The following PLEKHM2 variants were observed in gnomAD, a reference collection of about 807,000 sequenced individuals.
PLEKHM2 encodes pleckstrin homology domain-containing family M member 2.
A neutral mutation model predicts 116.3 loss-of-function variants in PLEKHM2; 77 were observed. The ratio of observed to expected loss-of-function variants is 0.66; its 90% CI spans 0.55 to 0.80. The LOEUF (loss-of-function observed/expected upper bound fraction) is 0.80, where lower values mean the gene tolerates loss of function less well. Among genes scored for constraint, PLEKHM2 ranks in the 30% least tolerant of loss-of-function variants. PLEKHM2 has a pLI of 0.00. For missense variants in PLEKHM2, 1,183 were observed against 1,354.9 expected, an observed-to-expected ratio of 0.87 and a Z score of 1.99; for synonymous variants, 562 against 571.0, an observed-to-expected ratio of 0.98 and a Z score of 0.22.
intron 19 of PLEKHM2, among the ~76,000 whole-genome samples, chr1:15,733,321 T>G (rs1353158277): frequency 6.6e-6 from 1 of 152,258 alleles, no homozygotes; most frequent in Non-Finnish European, 1.5e-5. Flanking sequence ...CGAATTGTGG[T>G]GGACCTCCAG....
At position 15,717,960 on chromosome 1, in the gene PLEKHM2, G is replaced by C. The variant is rs770179616; in HGVS notation, c.345G>C (p.Glu115Asp). ...SLESYLRLFQ[E>D]NLGLLHKYYV... ...AGAGCTACCTGCGGTTGTTCCAGGA[G>C]AACCTGGGCCTGCTGCATAAGTACT... The change falls in exon 4 of 20, where the codon GAG becomes GAC. Residue 115 changes from glutamate (E) to aspartate (D), a missense_variant. Physicochemically the swap from Glu to Asp is conservative, Grantham distance 45. Around this residue, in one of 3 missense-constraint regions of PLEKHM2, gnomAD observed 217 missense variants for 277.6 expected, o/e 0.78. Transcript: ENST00000375799. 2 of 1,598,432 alleles carry C rather than the reference G, an allele frequency of 1.3e-6. No homozygotes were observed. The highest frequency in any genetic ancestry group is 2.3e-5 in the East Asian group (1 of 44,218).
intron 7 of PLEKHM2, chr1:15,723,449 T>TA (rs35677279): frequency 0.37 from 51,112 of 139,854 alleles, 9,459 homozygotes; most frequent in East Asian, 0.66. Context: ...ACAGCAGACT[T>TA]AAAAAAAAAA....
intron 8 of PLEKHM2, 146 bp downstream of exon 8, chr1:15,725,691 G>T (rs533568958): frequency 8.0e-6 from 5 of 624,172 alleles, no homozygotes; most frequent in African/African-American, 5.5e-5. Flanking sequence ...CCTCTAGGAG[G>T]TTCTTTGAGC....
intron 1 of PLEKHM2, among the ~76,000 whole-genome samples, chr1:15,689,569 A>G (rs1307588007): frequency 9.9e-5 from 15 of 152,232 alleles, no homozygotes; most frequent in South Asian, 2.1e-4. Flanking sequence ...CACTGTTCGC[A>G]TCAGCAGTGA....
intron 1 of PLEKHM2, among the ~76,000 whole-genome samples, chr1:15,710,351 G>A (rs1641307650): frequency 6.6e-6 from 1 of 151,934 alleles, no homozygotes; most frequent in Non-Finnish European, 1.5e-5. Context: ...TATTTGAAAC[G>A]GAGTCTCACT....
intron 1 of PLEKHM2, among the ~76,000 whole-genome samples, chr1:15,691,391 A>G (rs1161814246): frequency 6.6e-6 from 1 of 152,202 alleles, no homozygotes; most frequent in Non-Finnish European, 1.5e-5. Context: ...TTCTAAGAAA[A>G]TAGTTGTTTT....
chr1:15,729,071 C>A lies in PLEKHM2; in HGVS notation c.1987-31C>A. 1 of 1,584,172 alleles carries A rather than the reference C, an allele frequency of 6.3e-7. No homozygotes were observed. Among genetic ancestry groups the A allele is most frequent in the East Asian group, 2.3e-5 (1 of 43,574 alleles). On this transcript the variant is annotated intron_variant, in intron 12 of 19. Coordinates refer to ENST00000375799, the MANE Select transcript of PLEKHM2 (RefSeq NM_015164.4). This position sits in a 1 kb window ranked among gnomAD's most constrained non-coding sequence, Gnocchi z 4.7. ...TCTCCGCCAGGCAGCAGCTAAGCCC[C>A]AAGTGCATGTCACGGTGTGGTTTCT... is the stretch of plus-strand genomic sequence containing the variant.
At chr1:15,712,820 T>A (rs1342895457) in intron 1 of PLEKHM2, among the ~76,000 whole-genome samples, 9 of 151,668 alleles carry the variant, frequency 5.9e-5, no homozygotes, top group Admixed American at 3.3e-4. Context: ...CTAGCTAGCT[T>A]ATTTTTATTT....
chr1:15,710,318 TTTG>T (rs995297348), intron 1 of PLEKHM2, among the ~76,000 whole-genome samples: 5 of 151,692 alleles, frequency 3.3e-5, no homozygotes, highest in African/African-American at 7.3e-5. Context: ...CCAAAACAGT[TTTG>T]TTGTTGTTGT....
At chr1:15,701,915 G>T (rs1307135822) in intron 1 of PLEKHM2, among the ~76,000 whole-genome samples, 17 of 152,248 alleles carry the variant, frequency 1.1e-4, no homozygotes, top group Admixed American at 1.1e-3. Context: ...ACAAGAGGCT[G>T]CGCCTGAAGC....
Position 15,718,669 on chromosome 1 carries a change from G to T in PLEKHM2, c.465+44G>T, listed in dbSNP as rs371444369. On this transcript the variant is annotated intron_variant, in intron 5 of 19. Transcript: ENST00000375799. The stretch of plus-strand genomic sequence containing the variant: ...CACTGCTTGTGGGAAGCAGAGGAGG[G>T]GGCAGGGTGGGGGCAGGGTGGGCGG... 1.5e-3 allele frequency: 1,522 copies of T among 987,208 alleles called. 6 individuals carry two copies. The highest frequency in any genetic ancestry group is 2.3e-3 in the Middle Eastern group (8 of 3,408). 61.2% of individuals were successfully genotyped at this position (987,208 alleles called of 1,614,324 possible).
intron 6 of PLEKHM2, chr1:15,720,970 G>A (rs1384777848): frequency 2.1e-5 from 4 of 193,412 alleles, no homozygotes; most frequent in Non-Finnish European, 4.2e-5. Flanking sequence ...AACTGCAGCT[G>A]CCAGGGCAGT....
intron 1 of PLEKHM2, among the ~76,000 whole-genome samples, chr1:15,692,600 T>C (rs1640910085): frequency 6.6e-6 from 1 of 152,166 alleles, no homozygotes; most frequent in African/African-American, 2.4e-5. Context: ...ATTCACTTTT[T>C]TCGTTTTTTG....
At position 15,727,396 on chromosome 1, in the gene PLEKHM2, C is replaced by G. The variant is rs775068679; in HGVS notation, c.1324C>G (p.Pro442Ala). Residue 442 changes from proline to alanine, a missense_variant, in exon 9 of 20, where the codon CCC becomes GCC. Around this residue, in one of 3 missense-constraint regions of PLEKHM2, gnomAD observed 372 missense variants for 357.2 expected, o/e 1.04. Coordinates refer to ENST00000375799, the MANE Select transcript of PLEKHM2 (RefSeq NM_015164.4). This position sits in a 1 kb window ranked among gnomAD's most constrained non-coding sequence, Gnocchi z 7.5. Reference protein sequence around the residue: ...PPDQSFRTGSPGDAPERPPLC... With the variant: ...PPDQSFRTGSAGDAPERPPLC... Reference sequence around the variant, plus strand: ...AGACCAGTCCTTTCGGACCGGCTCTCCCGGGGATGCCCCGGAGAGGCCGCC... The same window carrying G: ...AGACCAGTCCTTTCGGACCGGCTCTGCCGGGGATGCCCCGGAGAGGCCGCC... 32 of 1,603,478 alleles carry G rather than the reference C, an allele frequency of 2.0e-5. 1 individual carries two copies. The South Asian group carries it at 3.6e-4, about 18-fold the overall frequency.
At chr1:15,723,992 T>A (rs1486155316) in intron 7 of PLEKHM2, among the ~76,000 whole-genome samples, 1 of 152,158 alleles carries the variant, frequency 6.6e-6, no homozygotes, top group Non-Finnish European at 1.5e-5. Context: ...GGGCCTCAGC[T>A]CTCTGCTTGG....
At chr1:15,716,211 T>G in intron 1 of PLEKHM2, 26 bp from the exon 2 acceptor site, 8 of 1,324,524 alleles carry the variant, frequency 6.0e-6, no homozygotes, top group Non-Finnish European at 8.4e-6. Context: ...CCATTTCTGA[T>G]TTGGAGGTGT....
Position 15,732,731 on chromosome 1 carries a change from A to G in PLEKHM2, c.2922+3A>G, listed in dbSNP as rs2068164567. On this transcript the variant is annotated splice_donor_region_variant and intron_variant, in intron 19 of 19. Coordinates refer to ENST00000375799, the MANE Select transcript of PLEKHM2 (RefSeq NM_015164.4). ...CTGGGTGGAAAACCATCTATCAGGTACCCAGCTGCCCAGGAAACCCATTAG... is the reference window on the plus strand; with the variant it reads ...CTGGGTGGAAAACCATCTATCAGGTGCCCAGCTGCCCAGGAAACCCATTAG... 2.5e-6 allele frequency: 4 copies of G among 1,588,388 alleles called. No individual in the cohort carries two copies. In the Admixed American group the frequency reaches 5.2e-5, roughly 21 times the overall value.
In PLEKHM2 at chr1:15,721,492, C is replaced by T. The variant is rs2067997145; in HGVS notation, c.712+104C>T. 1 of 703,286 alleles carries T rather than the reference C, an allele frequency of 1.4e-6. No individual in the cohort carries two copies. Among genetic ancestry groups the T allele is most frequent in the Non-Finnish European group, 2.4e-6 (1 of 419,272 alleles). 43.6% of individuals were successfully genotyped at this position (703,286 alleles called of 1,614,324 possible). On this transcript the variant is annotated intron_variant, in intron 7 of 19. Coordinates refer to ENST00000375799, the MANE Select transcript of PLEKHM2 (RefSeq NM_015164.4). This position sits in a 1 kb window ranked among gnomAD's most constrained non-coding sequence, Gnocchi z 5.1. ...GCTCCTTATTATTTATAATAATATC[C>T]ATAATCATAATAAAGCCAAGTTTGG...
In PLEKHM2 at chr1:15,730,856, A is replaced by G. The variant is rs1348729836; in HGVS notation, c.2399+134A>G. The G allele has an allele frequency of 5.5e-6, 4 of 723,020 alleles. No homozygotes were observed. The African/African-American group carries it at 7.1e-5, about 13-fold the overall frequency. The allele number at this position is 723,020 out of a possible 1,614,324, so 44.8% of individuals were successfully genotyped here. ...GGAGAGGACGCCTCCCTTCCCTACC[A>G]GAGCTTGGAGTTGACTTAGCTCAGG... On this transcript the variant is annotated intron_variant, in intron 15 of 19. Coordinates refer to ENST00000375799, the MANE Select transcript of PLEKHM2 (RefSeq NM_015164.4).
Sources: gnomAD v4.1 joint callset for allele counts (sites outside exome capture counted in the v4.1 genomes callset) on GRCh38, gnomAD v4.1.1 for gene constraint, gnomAD v4.1.1 regional missense constraint, Gnocchi (gnomAD v3.1) non-coding constraint, MANE v1.5 for transcripts, NCBI Gene and HGNC (gene_info 2026-07-23, HGNC 2026-07-21) for gene names.